XKR6: variants seen among roughly 807,000 people sequenced by gnomAD.
The protein encoded by XKR6 is XK related 6, also known as XK-related protein 6.
Under a neutral mutation model 56.7 loss-of-function variants are expected in XKR6, and 22 were observed. The ratio of observed to expected loss-of-function variants is 0.39; its 90% CI spans 0.28 to 0.55. The LOEUF is 0.55. Among genes scored for constraint, XKR6 ranks in the 20% least tolerant of loss-of-function variants. XKR6 has a pLI of 0.66. For synonymous variants in XKR6, 524 were observed against 387.8 expected (o/e 1.35, Z -4.13); for missense variants, 852 against 889.0 (o/e 0.96, Z 0.53).
intron 1 of XKR6, among the ~76,000 whole-genome samples, chr8:11,028,124 C>G (rs1484850391): frequency 6.6e-6 from 1 of 150,958 alleles, no homozygotes; most frequent in African/African-American, 2.4e-5. Flanking sequence ...CTGTTCATCC[C>G]TGCCTCCCTC....
chr8:10,932,414 A>C (rs546232800), intron 1 of XKR6, among the ~76,000 whole-genome samples: 98 of 128,772 alleles, frequency 7.6e-4, no homozygotes, highest in Middle Eastern at 3.9e-3. Flanking sequence ...TTTAGCAGTT[A>C]TTTTCTTTTT....
intron 1 of XKR6, among the ~76,000 whole-genome samples, chr8:11,113,036 T>C (rs1250420998): frequency 2.0e-5 from 3 of 152,182 alleles, no homozygotes; most frequent in Non-Finnish European, 4.4e-5. Flanking sequence ...TGTTTTCAGT[T>C]CCTTACAATT....
chr8:10,990,756 T>A (rs1008446570), intron 1 of XKR6, among the ~76,000 whole-genome samples: 1 of 151,838 alleles, frequency 6.6e-6, no homozygotes, highest in African/African-American at 2.4e-5. Context: ...ATGTTTAAAT[T>A]TTTTTTTGTA....
At chr8:10,921,002 G>C (rs1354785911) in intron 2 of XKR6, among the ~76,000 whole-genome samples, 1 of 152,240 alleles carries the variant, frequency 6.6e-6, no homozygotes, top group African/African-American at 2.4e-5. Context: ...GGCTTCCCTG[G>C]GGTGAAGGCC....
chr8:11,057,023 C>A lies in XKR6; in HGVS notation c.765-132193G>T, dbSNP rs1799702225. Among the ~76,000 whole-genome samples the A allele has an allele frequency of 5.3e-5, 8 of 152,364 alleles. No homozygotes were observed. In the South Asian group the frequency reaches 1.5e-3, roughly 28 times the overall value. Reference sequence around the variant, plus strand: ...CCTTGTCCTTGGCTGCCTGTCCAATCTGCGTACAAGGTGCAGCCATGTCAC... The same window carrying A: ...CCTTGTCCTTGGCTGCCTGTCCAATATGCGTACAAGGTGCAGCCATGTCAC... On this transcript the variant is annotated intron_variant, in intron 1 of 2. Transcript: ENST00000416569.
At chr8:11,007,923 G>A (rs73539395) in intron 1 of XKR6, among the ~76,000 whole-genome samples, 6,300 of 151,690 alleles carry the variant, frequency 0.042, 443 homozygotes, top group African/African-American at 0.14. Flanking sequence ...GGCAGGGGCA[G>A]AGTGGGGGGA....
chr8:11,004,191 G>A (rs1798312112), intron 1 of XKR6, among the ~76,000 whole-genome samples: 1 of 151,890 alleles, frequency 6.6e-6, no homozygotes, highest in African/African-American at 2.4e-5. Flanking sequence ...AGCTCCTGTG[G>A]GGCCGGGCGT....
intron 1 of XKR6, among the ~76,000 whole-genome samples, chr8:11,079,641 A>G (rs1255139620): frequency 6.6e-6 from 1 of 152,222 alleles, no homozygotes; most frequent in Non-Finnish European, 1.5e-5. Context: ...ATTGTGTTAG[A>G]AAGACCAGGT....
chr8:10,937,944 C>T (rs958849645), intron 1 of XKR6, among the ~76,000 whole-genome samples: 25 of 151,276 alleles, frequency 1.7e-4, no homozygotes, highest in East Asian at 5.8e-4. Context: ...TCGAGCTTCC[C>T]GGCTGCTTTG....
chr8:11,041,164 G>A (rs1195020478), intron 1 of XKR6, among the ~76,000 whole-genome samples: 6 of 152,096 alleles, frequency 3.9e-5, no homozygotes, highest in Admixed American at 2.0e-4. Flanking sequence ...TCCCTGAAAC[G>A]CATTTTAGAA....
At chr8:10,937,908 T>C (rs899665498) in intron 1 of XKR6, among the ~76,000 whole-genome samples, 1 of 151,926 alleles carries the variant, frequency 6.6e-6, no homozygotes, top group African/African-American at 2.4e-5. Context: ...GCAGGCCTCC[T>C]TGAGCTGTGG....
chr8:11,008,701 C>A (rs1253531302), intron 1 of XKR6, among the ~76,000 whole-genome samples: 2 of 152,114 alleles, frequency 1.3e-5, no homozygotes, highest in East Asian at 3.9e-4. Context: ...AGGTGTGAAC[C>A]ACCACCCCGG....
intron 1 of XKR6, among the ~76,000 whole-genome samples, chr8:11,079,830 G>A (rs991104205): frequency 6.6e-6 from 1 of 152,074 alleles, no homozygotes; most frequent in Non-Finnish European, 1.5e-5. Flanking sequence ...TAGCTGGCAT[G>A]GTGGCGTGCA....
At chr8:11,074,037 G>C (rs1800202635) in intron 1 of XKR6, among the ~76,000 whole-genome samples, 1 of 152,198 alleles carries the variant, frequency 6.6e-6, no homozygotes, top group African/African-American at 2.4e-5. Context: ...GAGAGATTTG[G>C]GGGACATCAC....
At chr8:11,031,925 G>A (rs1410683600) in intron 1 of XKR6, among the ~76,000 whole-genome samples, 1 of 152,332 alleles carries the variant, frequency 6.6e-6, no homozygotes, top group African/African-American at 2.4e-5. Flanking sequence ...CTGGAAGGAT[G>A]CCTGTTGAAT....
chr8:11,164,437 G>C (rs1462351903), intron 1 of XKR6, among the ~76,000 whole-genome samples: 2 of 152,140 alleles, frequency 1.3e-5, no homozygotes, highest in Non-Finnish European at 2.9e-5. Flanking sequence ...GTTATTCTAA[G>C]TCTTCTCCCC....
rs1800824137 is a variant in XKR6 at position 10,924,651 on chromosome 8, C to T, written c.944G>A (p.Ser315Asn). 6.2e-7 allele frequency: 1 copy of T among 1,607,610 alleles called. No individual in the cohort carries two copies. The highest frequency in any genetic ancestry group is 8.5e-7 in the Non-Finnish European group (1 of 1,175,990). The change falls in exon 2 of 3, where the codon AGC becomes AAC. Residue 315 changes from serine to asparagine, a missense_variant. Physicochemically the swap from Ser to Asn is conservative, Grantham distance 46. Coordinates refer to ENST00000416569, the MANE Select transcript of XKR6 (RefSeq NM_173683.4). ...LQLYIMLQKN[S>N]AETLPCVSSV... ...GCACTCACAGGGCAGGGTCTCGGCG[C>T]TGTTCTTCTGGAGCATGATGTAGAG... is the stretch of plus-strand genomic sequence containing the variant.
intron 2 of XKR6, among the ~76,000 whole-genome samples, chr8:10,916,715 A>T (rs920549913): frequency 6.6e-6 from 1 of 152,158 alleles, no homozygotes; most frequent in Admixed American, 6.5e-5. Context: ...TCACCAGGGA[A>T]AAAAAGAAGT....
chr8:11,013,538 C>G (rs922160818), intron 1 of XKR6, among the ~76,000 whole-genome samples: 1 of 152,178 alleles, frequency 6.6e-6, no homozygotes, highest in African/African-American at 2.4e-5. Context: ...TGTCTTTGTA[C>G]CAGCAATTTG....
Sources: allele counts gnomAD v4.1 joint callset (sites outside exome capture counted in the v4.1 genomes callset), GRCh38; gene constraint gnomAD v4.1.1; transcripts MANE v1.5; gene names NCBI Gene and HGNC (gene_info 2026-07-23, HGNC 2026-07-21).